Variants in TCF20 observed in about 807,000 individuals in gnomAD.
TCF20 encodes SPRE-binding protein.
A neutral mutation model predicts 148.6 loss-of-function variants in TCF20; 3 were observed. That is an observed-to-expected ratio of 0.02 (90% CI 0.01 to 0.05). TCF20 has a LOEUF of 0.05. TCF20 is among the 10% of genes least tolerant of loss of function. The pLI is 1.00. For synonymous variants in TCF20, 1,049 were observed against 909.5 expected, an observed-to-expected ratio of 1.15 and a Z score of -2.76; for missense variants, 2,350 against 2,429.3, an observed-to-expected ratio of 0.97 and a Z score of 0.69.
chr22:42,320,418 G>A (rs930891596), intron 1 of TCF20, among the ~76,000 whole-genome samples: 1 of 152,126 alleles, frequency 6.6e-6, no homozygotes, highest in Admixed American at 6.6e-5. Flanking sequence ...CACAGGGGCT[G>A]GACACCAGCT....
At chr22:42,166,949 G>GA (rs1418742588) in intron 5 of TCF20, among the ~76,000 whole-genome samples, 6 of 152,208 alleles carry the variant, frequency 3.9e-5, no homozygotes, top group Non-Finnish European at 5.9e-5. Flanking sequence ...AGGGCCAACA[G>GA]AAACAGTCCT....
upstream of TCF20, among the ~76,000 whole-genome samples, chr22:42,273,527 G>A (rs181304560): frequency 3.9e-5 from 6 of 151,900 alleles, no homozygotes; most frequent in East Asian, 3.9e-4. Flanking sequence ...ATAACTGAGC[G>A]CCCCTTCCTC....
intron 1 of TCF20, among the ~76,000 whole-genome samples, chr22:42,332,378 G>C (rs1322519607): frequency 6.6e-6 from 1 of 152,156 alleles, no homozygotes; most frequent in Non-Finnish European, 1.5e-5. Context: ...GCTGGAGCAG[G>C]AACAGCCAGG....
At chr22:42,260,133 T>G (rs1296393328) in intron 1 of TCF20, among the ~76,000 whole-genome samples, 1 of 151,850 alleles carries the variant, frequency 6.6e-6, no homozygotes, top group African/African-American at 2.4e-5. Context: ...CAGAAACAAC[T>G]CAAAGATTTG....
At chr22:42,330,435 C>T (rs899581697) in intron 1 of TCF20, among the ~76,000 whole-genome samples, 4 of 152,166 alleles carry the variant, frequency 2.6e-5, no homozygotes, top group Admixed American at 6.5e-5. Flanking sequence ...GCCTGCAACA[C>T]TCTTCTCTGT....
intron 1 of TCF20, among the ~76,000 whole-genome samples, chr22:42,250,102 T>G (rs1925240175): frequency 6.6e-6 from 1 of 152,094 alleles, no homozygotes; most frequent in South Asian, 2.1e-4. Flanking sequence ...GTCACTGCAC[T>G]CCAGCATGGG....
intron 1 of TCF20, among the ~76,000 whole-genome samples, chr22:42,260,309 A>G (rs755325609): frequency 6.6e-6 from 1 of 152,212 alleles, no homozygotes; most frequent in Non-Finnish European, 1.5e-5. Context: ...AAGGTTAGAT[A>G]TGACCCTGTT....
In TCF20 at chr22:42,184,676, T is replaced by C. The variant is rs78051933; in HGVS notation, c.5656-4974A>G. Among the ~76,000 whole-genome samples, 298 of 152,230 alleles carry C rather than the reference T, an allele frequency of 2.0e-3. 1 individual carries two copies. The highest frequency in any genetic ancestry group is 6.5e-3 in the African/African-American group (270 of 41,554). ...TGCTCCCCAGGAAGAATGAGACACA[T>C]TGGGGGCTCCAAGCATGATTTCTAA... On this transcript the variant is annotated intron_variant, in intron 2 of 5. Coordinates refer to ENST00000677622, the MANE Select transcript of TCF20 (RefSeq NM_001378418.1).
intron 1 of TCF20, among the ~76,000 whole-genome samples, chr22:42,310,127 G>A (rs531603058): frequency 3.3e-5 from 5 of 152,256 alleles, no homozygotes; most frequent in Non-Finnish European, 7.3e-5. Context: ...AGGAAAAAAT[G>A]AGGAGCAAAC....
chr22:42,179,396 T>C (rs568552088), intron 3 of TCF20, among the ~76,000 whole-genome samples: 23 of 135,388 alleles, frequency 1.7e-4, no homozygotes, highest in African/African-American at 6.4e-4. Flanking sequence ...CATAAAAATT[T>C]AAAAAAGAAA....
At chr22:42,322,734 A>T (rs1259225600) in intron 1 of TCF20, among the ~76,000 whole-genome samples, 1 of 151,600 alleles carries the variant, frequency 6.6e-6, no homozygotes, top group Admixed American at 6.6e-5. Flanking sequence ...GAGTGAATGA[A>T]TGAGTGCCCG....
rs1225463840 is a variant in TCF20, at chr22:42,297,824, G to A, written c.-37+45655C>T. Among the ~76,000 whole-genome samples the A allele has an allele frequency of 6.6e-6, 1 of 152,174 alleles. No individual in the cohort carries two copies. Among genetic ancestry groups the A allele is most frequent in the Non-Finnish European group, 1.5e-5 (1 of 68,032 alleles). On this transcript the variant is annotated intron_variant, in intron 1 of 1. Transcript: ENST00000515426. The surrounding 1 kb of genome is among the most constrained non-coding windows in gnomAD (Gnocchi z 4.3). ...GCAGGGCCCAGCATTCCTGGCTGAT[G>A]GTGAGGAGATGAGACCCAGGGTGGA...
At position 42,212,241 on chromosome 22, in the gene TCF20, C is replaced by T. The variant is rs1921027093; in HGVS notation, c.3065G>A (p.Arg1022Gln). 7 of 1,614,018 alleles carry T rather than the reference C, an allele frequency of 4.3e-6. No homozygotes were observed. Among genetic ancestry groups the T allele is most frequent in the South Asian group, 2.2e-5 (2 of 91,084 alleles). ...AGGGTCTCCCCCTGGGCCTCTGCTC[C>T]GCCCAGGAGACATTTTCAATTTTTC... Reference protein sequence around the residue: ...FAEKLKMSPGRSRGPGGDPHH... With the variant: ...FAEKLKMSPGQSRGPGGDPHH... The change falls in exon 2 of 6, where the codon CGG becomes CAG. Residue 1022 changes from arginine (R) to glutamine (Q), a missense_variant. Around this residue, in one of 7 missense-constraint regions of TCF20, gnomAD observed 1,641 missense variants for 1,662.6 expected, o/e 0.99. Coordinates refer to ENST00000677622, the MANE Select transcript of TCF20 (RefSeq NM_001378418.1).
At chr22:42,206,724 A>T (rs1938414077) in intron 2 of TCF20, among the ~76,000 whole-genome samples, 2 of 152,204 alleles carry the variant, frequency 1.3e-5, no homozygotes, top group Admixed American at 1.3e-4. Flanking sequence ...GGACATGATA[A>T]GAGTAAAGGG....
At chr22:42,230,265 A>G (rs1188194154) in intron 1 of TCF20, among the ~76,000 whole-genome samples, 1 of 152,220 alleles carries the variant, frequency 6.6e-6, no homozygotes, top group Non-Finnish European at 1.5e-5. Flanking sequence ...ATGGAGCTGA[A>G]AAACTCCTAT....
At chr22:42,314,561 C>T (rs1408604388) in intron 1 of TCF20, among the ~76,000 whole-genome samples, 1 of 152,158 alleles carries the variant, frequency 6.6e-6, no homozygotes, top group Non-Finnish European at 1.5e-5. Context: ...AATTACCAGG[C>T]GGGAAGAGGA....
intron 2 of TCF20, among the ~76,000 whole-genome samples, chr22:42,199,044 A>G (rs1031640583): frequency 6.6e-6 from 1 of 152,224 alleles, no homozygotes; most frequent in African/African-American, 2.4e-5. Flanking sequence ...ACTGTATTAT[A>G]CTATTATATC....
chr22:42,282,800 G>A (rs1398213672), intron 1 of TCF20, among the ~76,000 whole-genome samples: 1 of 152,166 alleles, frequency 6.6e-6, no homozygotes, highest in African/African-American at 2.4e-5. Context: ...GGAGGGGGCC[G>A]GCTCCTCCTG....
chr22:42,169,929 C>T, intron 3 of TCF20, 33 bp from the exon 4 acceptor site: 1 of 1,611,066 alleles, frequency 6.2e-7, no homozygotes, highest in South Asian at 1.1e-5. Context: ...CAGATGGAGA[C>T]TTCACAGCTG....
Sources: gnomAD v4.1 joint callset for allele counts (sites outside exome capture counted in the v4.1 genomes callset) on GRCh38, gnomAD v4.1.1 for gene constraint, gnomAD v4.1.1 regional missense constraint, Gnocchi (gnomAD v3.1) non-coding constraint, MANE v1.5 for transcripts, NCBI Gene and HGNC (gene_info 2026-07-23, HGNC 2026-07-21) for gene names.